Variants in RRM2 observed in about 807,000 individuals in gnomAD.
RRM2 encodes the protein ribonucleotide reductase regulatory subunit M2, also known as ribonucleoside-diphosphate reductase subunit M2.
In RRM2, 6 loss-of-function variants were observed where a neutral mutation model predicts 45.9. The ratio of observed to expected loss-of-function variants is 0.13; its 90% CI spans 0.07 to 0.26. RRM2 has a LOEUF of 0.26. Ranked by LOEUF, RRM2 falls within the 10% of genes least tolerant of loss-of-function variation. The pLI is 1.00. For missense variants in RRM2, 343 were observed against 489.5 expected (o/e 0.70, Z 2.82); for synonymous variants, 177 against 173.0 (o/e 1.02, Z -0.18).
chr2:10,177,993 C>T (rs1663966690), intron 3 of RRM2, among the ~76,000 whole-genome samples: 1 of 151,320 alleles, frequency 6.6e-6, no homozygotes, highest in African/African-American at 2.4e-5. Flanking sequence ...GCGATCTCGG[C>T]TCACTGCAAG....
chr2:10,193,601 G>A (rs1191374422), intron 3 of RRM2, among the ~76,000 whole-genome samples: 2 of 152,326 alleles, frequency 1.3e-5, no homozygotes, highest in Non-Finnish European at 1.5e-5. Flanking sequence ...GCTCTGAGGC[G>A]GTCCTTGTAG....
chr2:10,128,229 A>C (rs569078612), intron 7 of RRM2, among the ~76,000 whole-genome samples: 2 of 152,258 alleles, frequency 1.3e-5, no homozygotes, highest in Admixed American at 1.3e-4. Context: ...TTCAATATTA[A>C]TAAGCATTTC....
exon 4 of RRM2, chr2:10,210,598 A>G: frequency 1.5e-6 from 2 of 1,363,914 alleles, no homozygotes; most frequent in Middle Eastern, 2.5e-4. Context: ...GGCCCCATAG[A>G]CAGCAGATCT....
chr2:10,196,432 T>C (rs1483301958), intron 3 of RRM2, among the ~76,000 whole-genome samples: 1 of 152,184 alleles, frequency 6.6e-6, no homozygotes, highest in East Asian at 1.9e-4. Flanking sequence ...GTCCAGACTG[T>C]GGCTGTTTCT....
At chr2:10,179,123 C>T (rs767551334) in intron 3 of RRM2, among the ~76,000 whole-genome samples, 1 of 152,174 alleles carries the variant, frequency 6.6e-6, no homozygotes, top group Non-Finnish European at 1.5e-5. Flanking sequence ...TGGATTTGGA[C>T]ATACCGCAGT....
chr2:10,166,412 G>C (rs973264126), intron 3 of RRM2, among the ~76,000 whole-genome samples: 24 of 152,194 alleles, frequency 1.6e-4, no homozygotes, highest in Non-Finnish European at 2.4e-4. Context: ...ACTGGCTTCT[G>C]TGCTCTGCCC....
intron 3 of RRM2, among the ~76,000 whole-genome samples, chr2:10,176,491 C>G (rs1345241424): frequency 6.6e-6 from 1 of 152,200 alleles, no homozygotes; most frequent in African/African-American, 2.4e-5. Context: ...TGGTCTCGAA[C>G]TCCCAACCTC....
rs1221516587 is a variant in RRM2 at position 10,123,018 on chromosome 2, C to G, written c.135C>G (p.Ser45Arg). Residue 45 changes from serine (S) to arginine (R), a missense_variant, in exon 2 of 10, where the codon AGC becomes AGG. Coordinates refer to ENST00000304567, the MANE Select transcript of RRM2 (RefSeq NM_001034.4). ...TGAGCGGGACCCGCGTCCTGGCCAG[C>G]AAGACCGCGAGGAGGATCTTCCAGG... Reference protein sequence around the residue: ...PALSGTRVLASKTARRIFQEP... With the variant: ...PALSGTRVLARKTARRIFQEP... 3 of 1,566,574 alleles carry G rather than the reference C, an allele frequency of 1.9e-6. No homozygotes were observed. The highest frequency in any genetic ancestry group is 3.7e-5 in the Admixed American group (2 of 54,680).
chr2:10,122,774 C>G lies in RRM2; in HGVS notation c.-25C>G, dbSNP rs565233564. ...TCCCAGCCGTCCTGTCCTGGCTGCT[C>G]GCTCTGCTTCGCTGCGCCTCCACTA... On this transcript the variant is annotated 5_prime_UTR_variant, in exon 1 of 10. Transcript: ENST00000304567. 1.9e-6 allele frequency: 3 copies of G among 1,567,494 alleles called. No individual in the cohort carries two copies. Among genetic ancestry groups the G allele is most frequent in the African/African-American group, 2.7e-5 (2 of 74,124 alleles).
intron 3 of RRM2, among the ~76,000 whole-genome samples, chr2:10,174,201 C>T (rs888416490): frequency 3.3e-5 from 5 of 152,212 alleles, no homozygotes; most frequent in African/African-American, 1.2e-4. Context: ...TGGGCCCTGG[C>T]TGCACCTTGA....
chr2:10,143,908 C>T (rs574911599), intron 3 of RRM2, among the ~76,000 whole-genome samples: 9 of 152,216 alleles, frequency 5.9e-5, no homozygotes, highest in African/African-American at 9.6e-5. Flanking sequence ...TCTTGTGATC[C>T]GCCCGCCTTG....
intron 3 of RRM2, among the ~76,000 whole-genome samples, chr2:10,157,592 T>C (rs1663461153): frequency 6.6e-6 from 1 of 152,198 alleles, no homozygotes; most frequent in Non-Finnish European, 1.5e-5. Context: ...TCAAGGATGG[T>C]ACACTTTTTG....
intron 3 of RRM2, among the ~76,000 whole-genome samples, chr2:10,158,831 T>C (rs1663491830): frequency 1.3e-5 from 2 of 152,198 alleles, no homozygotes; most frequent in South Asian, 4.1e-4. Context: ...GGAGTGGCCT[T>C]CTCTCCCGGG....
At chr2:10,157,862 GTATTT>G (rs1663466598) in intron 3 of RRM2, among the ~76,000 whole-genome samples, 1 of 152,184 alleles carries the variant, frequency 6.6e-6, no homozygotes, top group Non-Finnish European at 1.5e-5. Flanking sequence ...GGCAGGTGAC[GTATTT>G]TAGTGAGAAC....
Position 10,168,036 on chromosome 2 carries a change from G to GTTGTT in RRM2, n.482+25663_482+25664insGTTTT, listed in dbSNP as rs1553325809. Among the ~76,000 whole-genome samples, 7 of 134,468 alleles carry GTTGTT rather than the reference G, an allele frequency of 5.2e-5. No homozygotes were observed. The East Asian group carries it at 1.3e-3, about 25-fold the overall frequency. 88.2% of individuals were successfully genotyped at this position (134,468 alleles called of 152,430 possible). ...CAGTAGAAAAGACAAAGGCTTTTCT[G>GTTGTT]TTTTTTTTTTTTTTTTGCCTTAAGC... On this transcript the variant is annotated intron_variant and non_coding_transcript_variant, in intron 3 of 3. Transcript: ENST00000381786.
At chr2:10,178,866 G>C (rs556076551) in intron 3 of RRM2, among the ~76,000 whole-genome samples, 1 of 152,244 alleles carries the variant, frequency 6.6e-6, no homozygotes, top group South Asian at 2.1e-4. Flanking sequence ...GAGGTGAAGG[G>C]AGTGCCACTG....
intron 3 of RRM2, among the ~76,000 whole-genome samples, chr2:10,162,267 C>T (rs995969710): frequency 6.6e-6 from 1 of 152,182 alleles, no homozygotes; most frequent in Non-Finnish European, 1.5e-5. Context: ...TGTGGAGCCG[C>T]CCGTCGTTCA....
At chr2:10,190,494 G>C (rs1235908254) in intron 3 of RRM2, among the ~76,000 whole-genome samples, 1 of 149,110 alleles carries the variant, frequency 6.7e-6, no homozygotes, top group African/African-American at 2.5e-5. Flanking sequence ...GGTGGGGTTG[G>C]TGGTGATAAG....
chr2:10,123,201 C>G lies in RRM2; in HGVS notation c.174+144C>G. On this transcript the variant is annotated intron_variant, in intron 2 of 9. Transcript: ENST00000304567. Reference sequence around the variant, plus strand: ...CCCCTCCCCAGGGCTGCCTCCCGCGCCCCTCGGCCCATTTCCCGGTTCGGG... The same window carrying G: ...CCCCTCCCCAGGGCTGCCTCCCGCGGCCCTCGGCCCATTTCCCGGTTCGGG... The G allele has an allele frequency of 7.1e-6, 9 of 1,274,242 alleles. No individual in the cohort carries two copies. The South Asian group carries it at 1.2e-4, about 17-fold the overall frequency. The allele number at this position is 1,274,242 out of a possible 1,614,324, so 78.9% of individuals were successfully genotyped here.
Sources: allele counts gnomAD v4.1 joint callset (sites outside exome capture counted in the v4.1 genomes callset), GRCh38; gene constraint gnomAD v4.1.1; transcripts MANE v1.5; gene names NCBI Gene and HGNC (gene_info 2026-07-23, HGNC 2026-07-21).